Variants in AASDH observed in about 807,000 individuals in gnomAD.
The protein encoded by AASDH is aminoadipate-semialdehyde dehydrogenase.
A neutral mutation model predicts 102.3 loss-of-function variants in AASDH; 81 were observed. The observed-to-expected ratio is 0.79, with a 90% CI of 0.66 to 0.95. The LOEUF (loss-of-function observed/expected upper bound fraction) is 0.95. AASDH is among the 40% of genes least tolerant of loss of function. The pLI is 0.00. For missense variants in AASDH, 1,203 were observed against 1,266.2 expected (o/e 0.95, Z 0.76); for synonymous variants, 398 against 454.0 (o/e 0.88, Z 1.57).
At chr4:56,343,025 T>G in intron 13 of AASDH, 59 bp from the exon 14 acceptor site, 1 of 1,426,550 alleles carries the variant, frequency 7.0e-7, no homozygotes. Flanking sequence ...CAGTTACCCT[T>G]TAAAAAACAA....
chr4:56,380,602 A>T (rs140469997), intron 3 of AASDH, among the ~76,000 whole-genome samples: 80 of 152,304 alleles, frequency 5.3e-4, no homozygotes, highest in African/African-American at 1.8e-3. Context: ...ACTTAGGACA[A>T]TTATCACACT....
Position 56,349,341 on chromosome 4 carries a change from C to T in AASDH, c.2410G>A (p.Val804Ile), listed in dbSNP as rs1453586626. ...MKAVDFYSGK[V>I]KWEQILGDRI... is the part of the protein sequence containing the mutation. Reference sequence around the variant, plus strand: ...TCTCCCAAAATCTGTTCCCATTTTACCTTCCCAGAGTAAAAGTCAACTGCC... The same window carrying T: ...TCTCCCAAAATCTGTTCCCATTTTATCTTCCCAGAGTAAAAGTCAACTGCC... The change falls in exon 11 of 15, where the codon GTA becomes ATA. Residue 804 changes from valine to isoleucine, a missense_variant. Val to Ile is a conservative substitution (Grantham distance 29, BLOSUM62 3). Transcript: ENST00000205214. 1 of 1,614,196 alleles carries T rather than the reference C, an allele frequency of 6.2e-7. No individual in the cohort carries two copies. The highest frequency in any genetic ancestry group is 1.1e-5 in the South Asian group (1 of 91,082).
intron 3 of AASDH, 98 bp from the exon 4 acceptor site, chr4:56,378,562 C>T: frequency 9.3e-7 from 1 of 1,077,286 alleles, no homozygotes; most frequent in Non-Finnish European, 1.3e-6. Context: ...CCTCAGTATC[C>T]TTGGGGGAAT....
At chr4:56,348,034 C>G (rs1424422706) in intron 11 of AASDH, among the ~76,000 whole-genome samples, 3 of 151,822 alleles carry the variant, frequency 2.0e-5, no homozygotes, top group African/African-American at 7.3e-5. Flanking sequence ...GCCTGTAATA[C>G]CAGCTACTCA....
rs1444436616 is a variant in AASDH, at chr4:56,382,603, G to GA, written c.231-7dup. The GA allele has an allele frequency of 3.7e-6, 6 of 1,602,886 alleles. No homozygotes were observed. The Admixed American group carries it at 8.8e-5, about 23-fold the overall frequency. The stretch of plus-strand genomic sequence containing the variant: ...CAGCCGGGACTTGGAGAATTCTAAA[G>GA]AAAAAAGTACACAGTCAGCATAGAA... On this transcript the variant is annotated splice_region_variant and splice_polypyrimidine_tract_variant and intron_variant, in intron 2 of 14. Coordinates refer to ENST00000205214, the MANE Select transcript of AASDH (RefSeq NM_181806.4).
In AASDH at chr4:56,378,092, C is replaced by T. The variant is rs536683828; in HGVS notation, c.668+56G>A. ...AAGTGCTGGGATTACAGGCATAAGC[C>T]ACCACACCTGGCCTAAAATATAGAT... is the stretch of plus-strand genomic sequence containing the variant. On this transcript the variant is annotated intron_variant, in intron 4 of 14. Transcript: ENST00000205214. 28 of 1,507,864 alleles carry T rather than the reference C, an allele frequency of 1.9e-5. No homozygotes were observed. In the East Asian group the frequency reaches 5.4e-4, roughly 29 times the overall value. 93.4% of individuals were successfully genotyped at this position (1,507,864 alleles called of 1,614,324 possible). A position where few individuals can be genotyped will look rare whatever the true frequency, so the allele number is the denominator to read the frequency against.
At chr4:56,347,026 G>A (rs150056805) in intron 11 of AASDH, among the ~76,000 whole-genome samples, 2,361 of 150,278 alleles carry the variant, frequency 0.016, 72 homozygotes, top group African/African-American at 0.055. Flanking sequence ...GGGTGACAGA[G>A]CAAGACGCTG....
Position 56,350,059 on chromosome 4 carries a change from C to T in AASDH, c.1693-1G>A. The T allele has an allele frequency of 6.4e-7, 1 of 1,569,926 alleles. No individual in the cohort carries two copies. The highest frequency in any genetic ancestry group is 1.4e-5 in the African/African-American group (1 of 72,994). On this transcript the variant is annotated splice_acceptor_variant, in intron 10 of 14. Coordinates refer to ENST00000205214, the MANE Select transcript of AASDH (RefSeq NM_181806.4). LOFTEE classifies it high-confidence loss of function. ...GATCTTCTGGGAGATTCAGAGTAGACTACAGATGAGAGAATAGAGAAATAT... is the reference window on the plus strand; with the variant it reads ...GATCTTCTGGGAGATTCAGAGTAGATTACAGATGAGAGAATAGAGAAATAT...
chr4:56,353,468 A>G lies in AASDH; in HGVS notation c.1512T>C (p.Tyr504=). 6.2e-7 allele frequency: 1 copy of G among 1,613,976 alleles called. No homozygotes were observed. The highest frequency in any genetic ancestry group is 8.5e-7 in the Non-Finnish European group (1 of 1,179,950). ...KEYIFKELQK[Y]LPSHAVPDEL... ...CATCCGGGACTGCATGACTTGGAAG[A>G]TATTTCTGCAGTTCTTTAAAGATGT... is the stretch of plus-strand genomic sequence containing the variant. Residue 504 remains tyrosine (Y), a synonymous_variant, in exon 9 of 15, where the codon TAT becomes TAC. Transcript: ENST00000205214.
chr4:56,359,725 A>G (rs1326322303), intron 5 of AASDH, among the ~76,000 whole-genome samples: 1 of 151,492 alleles, frequency 6.6e-6, no homozygotes, highest in African/African-American at 2.4e-5. Context: ...TGCCCAGCTA[A>G]TTTTTGTATT....
chr4:56,378,381 G>C lies in AASDH; in HGVS notation c.435C>G (p.His145Gln). Reference protein sequence around the residue: ...EHNDLVLFRLHWKNTEVNLML... With the variant: ...EHNDLVLFRLQWKNTEVNLML... ...TCAAGTTCACCTCAGTATTTTTCCA[G>C]TGAAGTCTGAAGAGCACTAGGTCAT... Residue 145 changes from histidine (H) to glutamine (Q), a missense_variant, in exon 4 of 15, where the codon CAC becomes CAG. Transcript: ENST00000205214. The C allele has an allele frequency of 6.2e-7, 1 of 1,613,722 alleles. No homozygotes were observed.
intron 5 of AASDH, chr4:56,356,140 AAAAGG>A: frequency 1.5e-6 from 1 of 655,624 alleles, no homozygotes; most frequent in Non-Finnish European, 2.7e-6. Flanking sequence ...CCAAGATGCC[AAAAGG>A]AAAGGCCAAG....
At chr4:56,342,659 GA>G (rs1747839506) in intron 14 of AASDH, among the ~76,000 whole-genome samples, 175 bp downstream of exon 14, 1 of 151,800 alleles carries the variant, frequency 6.6e-6, no homozygotes, top group African/African-American at 2.4e-5. Flanking sequence ...ACCGTGAGTT[GA>G]ATAATGATGT....
rs755980610 is a variant in AASDH, at chr4:56,378,135, G to T, written c.668+13C>A. The T allele has an allele frequency of 6.3e-7, 1 of 1,589,018 alleles. No homozygotes were observed. Among genetic ancestry groups the T allele is most frequent in the Admixed American group, 1.8e-5 (1 of 56,552 alleles). ...ATATAGATTCTGAGAAAGAGTCAAA[G>T]ACTAGAACTTACCGAAAATGCTGGA... is the stretch of plus-strand genomic sequence containing the variant. On this transcript the variant is annotated intron_variant, in intron 4 of 14. Transcript: ENST00000205214.
chr4:56,347,040 T>TA (rs200094597), intron 11 of AASDH, among the ~76,000 whole-genome samples: 3,623 of 133,492 alleles, frequency 0.027, 101 homozygotes, highest in African/African-American at 0.072. Context: ...GACGCTGTCT[T>TA]AAAAAAAAAA....
intron 1 of AASDH, among the ~76,000 whole-genome samples, chr4:56,386,296 A>C (rs1753544558): frequency 6.6e-6 from 1 of 152,210 alleles, no homozygotes; most frequent in Non-Finnish European, 1.5e-5. Context: ...ATTTCGCAAC[A>C]TACAGGTAGC....
chr4:56,350,181 A>G, intron 10 of AASDH, 123 bp from the exon 11 acceptor site: 1 of 911,410 alleles, frequency 1.1e-6, no homozygotes. Flanking sequence ...TAGGTCGGGT[A>G]CAGTGGCTCA....
chr4:56,360,977 T>C (rs1388258684), intron 5 of AASDH, among the ~76,000 whole-genome samples: 1 of 152,164 alleles, frequency 6.6e-6, no homozygotes, highest in African/African-American at 2.4e-5. Flanking sequence ...AAATCTCTTG[T>C]CAAAATAGGG....
chr4:56,382,171 C>T (rs184279888), intron 3 of AASDH: 123 of 268,790 alleles, frequency 4.6e-4, no homozygotes, highest in African/African-American at 2.7e-3. Flanking sequence ...TAGTGGCTCA[C>T]AATGGAGTGT....
Sources: gnomAD v4.1 joint callset for allele counts (sites outside exome capture counted in the v4.1 genomes callset) on GRCh38, gnomAD v4.1.1 for gene constraint, MANE v1.5 for transcripts, NCBI Gene and HGNC (gene_info 2026-07-23, HGNC 2026-07-21) for gene names.